MYO1H: variants seen among roughly 807,000 people sequenced by gnomAD.
MYO1H encodes the protein unconventional myosin-Ih.
MYO1H carries 118 observed loss-of-function variants against 149.3 expected under a neutral mutation model. The ratio of observed to expected loss-of-function variants is 0.79; its 90% confidence interval spans 0.68 to 0.92. MYO1H has a LOEUF of 0.92. MYO1H is among the 40% of genes least tolerant of loss of function. The pLI is 0.00. For missense variants in MYO1H, 1,212 were observed against 1,280.7 expected (o/e 0.95, Z 0.82); for synonymous variants, 447 against 465.2 (o/e 0.96, Z 0.50).
At chr12:109,339,318 T>G in the MYO1H span, among the ~76,000 whole-genome samples, 7 of 152,204 alleles carry the variant, frequency 4.6e-5, no homozygotes, top group Admixed American at 4.6e-4. Flanking sequence ...TGAGCCAAGA[T>G]AGCACCATTG....
At chr12:109,364,198 A>T (rs1868817204) in intron 1 of MYO1H, among the ~76,000 whole-genome samples, 2 of 143,940 alleles carry the variant, frequency 1.4e-5, no homozygotes, top group Non-Finnish European at 3.0e-5. Flanking sequence ...AAAAAAAAAA[A>T]GAAGTGGGAA....
intron 1 of MYO1H, among the ~76,000 whole-genome samples, chr12:109,355,245 G>A (rs1183519603): frequency 1.3e-5 from 2 of 152,018 alleles, no homozygotes; most frequent in Admixed American, 6.6e-5. Flanking sequence ...GTATTCACAC[G>A]ACTTCAGGGG....
intron 15 of MYO1H, among the ~76,000 whole-genome samples, chr12:109,417,389 A>G (rs1033441506): frequency 1.3e-5 from 2 of 152,072 alleles, no homozygotes; most frequent in African/African-American, 2.4e-5. Context: ...GTGCAGTGGC[A>G]TGATCTCGGC....
intron 1 of MYO1H, among the ~76,000 whole-genome samples, chr12:109,368,975 C>T (rs1294361641): frequency 1.3e-5 from 2 of 151,504 alleles, no homozygotes; most frequent in Admixed American, 1.3e-4. Context: ...CATGTTGCTG[C>T]AAAGGACATG....
chr12:109,318,409 G>A, the MYO1H span, among the ~76,000 whole-genome samples: 1 of 152,142 alleles, frequency 6.6e-6, no homozygotes, highest in African/African-American at 2.4e-5. Flanking sequence ...TTGGTGATTG[G>A]CCTCCAAATA....
At chr12:109,426,078 G>A in intron 18 of MYO1H, 27 bp downstream of exon 18, 1 of 1,566,804 alleles carries the variant, frequency 6.4e-7, no homozygotes, top group Non-Finnish European at 8.8e-7. Context: ...TATGAACTGG[G>A]CTCAGGGAAA....
chr12:109,353,858 C>T (rs1256832991), intron 1 of MYO1H, among the ~76,000 whole-genome samples: 2 of 152,176 alleles, frequency 1.3e-5, no homozygotes, highest in South Asian at 2.1e-4. Context: ...TTCACCATGT[C>T]GGCCAGGCTG....
chr12:109,433,021 A>G lies in MYO1H; in HGVS notation c.2063+11A>G. On this transcript the variant is annotated intron_variant, in intron 20 of 31. Coordinates refer to ENST00000310903, the Ensembl canonical transcript of MYO1H. ...ATACAAGTTAGGCAAGTAAGTGACC[A>G]GAAGACCACCAAATGGTCTCTTCCC... 2 of 1,605,702 alleles carry G rather than the reference A, an allele frequency of 1.2e-6. No individual in the cohort carries two copies. Among genetic ancestry groups the G allele is most frequent in the Non-Finnish European group, 1.7e-6 (2 of 1,172,334 alleles).
chr12:109,423,890 C>T, intron 16 of MYO1H, among the ~76,000 whole-genome samples: 1 of 152,004 alleles, frequency 6.6e-6, no homozygotes, highest in Admixed American at 6.6e-5. Context: ...AAATTAAGGA[C>T]TTTTGGTGAT....
At chr12:109,439,596 G>T in intron 23 of MYO1H, 35 bp from the exon 24 acceptor site, 2 of 1,576,750 alleles carry the variant, frequency 1.3e-6, no homozygotes, top group South Asian at 2.3e-5. Flanking sequence ...GTGAAGAAAT[G>T]GTCCAGAAAA....
exon 4 of MYO1H, chr12:109,396,395 C>T (rs1869906304): frequency 1.2e-6 from 2 of 1,608,180 alleles, no homozygotes; most frequent in Non-Finnish European, 8.5e-7. Flanking sequence ...TACGCTATAG[C>T]CGACAACGCT....
chr12:109,408,845 A>G (rs900306034), intron 10 of MYO1H, among the ~76,000 whole-genome samples: 1 of 152,100 alleles, frequency 6.6e-6, no homozygotes, highest in Non-Finnish European at 1.5e-5. Context: ...GCTGAAGTGC[A>G]GTGGCACAAT....
At chr12:109,443,170 ACGTATGTG>A (rs1330100983) in intron 27 of MYO1H, among the ~76,000 whole-genome samples, 13 of 136,330 alleles carry the variant, frequency 9.5e-5, no homozygotes, top group East Asian at 6.2e-4. Flanking sequence ...GTATATGTGT[ACGTATGTG>A]TGTATATGTG....
intron 1 of MYO1H, among the ~76,000 whole-genome samples, chr12:109,385,485 G>A (rs558341935): frequency 8.5e-5 from 13 of 152,106 alleles, no homozygotes; most frequent in African/African-American, 2.6e-4. Flanking sequence ...TAGAGACAGA[G>A]TTTCAACATG....
intron 31 of MYO1H, chr12:109,446,279 C>T (rs915836853): frequency 9.6e-5 from 95 of 985,330 alleles, no homozygotes; most frequent in East Asian, 3.4e-4. Context: ...CAGTGGTCCT[C>T]GCTGGCTGCT....
chr12:109,313,960 A>G, the MYO1H span, among the ~76,000 whole-genome samples: 15 of 152,054 alleles, frequency 9.9e-5, no homozygotes, highest in South Asian at 4.2e-4. Context: ...TCTTGGCTCA[A>G]TGCAACCTCT....
intron 1 of MYO1H, among the ~76,000 whole-genome samples, chr12:109,385,095 G>A (rs1446793953): frequency 6.6e-6 from 1 of 152,146 alleles, no homozygotes; most frequent in Non-Finnish European, 1.5e-5. Flanking sequence ...TATGAGGTAA[G>A]TACAATTATA....
At chr12:109,319,110 A>C in the MYO1H span, among the ~76,000 whole-genome samples, 1 of 151,784 alleles carries the variant, frequency 6.6e-6, no homozygotes, top group African/African-American at 2.4e-5. Flanking sequence ...GATCTCAAAG[A>C]GATATTTGCA....
the MYO1H span, among the ~76,000 whole-genome samples, chr12:109,329,024 C>A: frequency 7.6e-5 from 10 of 132,278 alleles, no homozygotes; most frequent in Non-Finnish European, 1.3e-4. Context: ...AATCAGTTTT[C>A]TTTTTTTTCT....
Sources: allele counts gnomAD v4.1 joint callset (sites outside exome capture counted in the v4.1 genomes callset), GRCh38; gene constraint gnomAD v4.1.1; transcripts MANE v1.5; gene names NCBI Gene and HGNC (gene_info 2026-07-23, HGNC 2026-07-21).